CFAP299: variants seen among roughly 807,000 people sequenced by gnomAD.
The protein encoded by CFAP299 is cilia and flagella associated protein 299, also known as cilia- and flagella-associated protein 299.
In CFAP299, 21 loss-of-function variants were observed where a neutral mutation model predicts 27.0. The ratio of observed to expected loss-of-function variants is 0.78; its 90% confidence interval spans 0.55 to 1.12. The LOEUF is 1.12. CFAP299 is among the 50% of genes most tolerant of loss of function. The probability of loss-of-function intolerance (pLI) is 0.00; values close to 1 mark genes in which losing one functional copy is unlikely to be tolerated. For missense variants in CFAP299, 310 were observed against 276.6 expected, an observed-to-expected ratio of 1.12 and a Z score of -0.86; for synonymous variants, 104 against 98.1, an observed-to-expected ratio of 1.06 and a Z score of -0.36.
intron 3 of CFAP299, among the ~76,000 whole-genome samples, chr4:80,845,706 A>T (rs1436193730): frequency 6.6e-6 from 1 of 152,142 alleles, no homozygotes; most frequent in African/African-American, 2.4e-5. Flanking sequence ...GATTTCTTCC[A>T]ATTAATCTCA....
chr4:80,521,717 C>T (rs925753415), intron 2 of CFAP299, among the ~76,000 whole-genome samples: 15 of 151,896 alleles, frequency 9.9e-5, no homozygotes, highest in African/African-American at 3.4e-4. Flanking sequence ...CAATATTGCC[C>T]TTCTGTGACT....
chr4:80,374,327 C>A (rs943485616), intron 2 of CFAP299, among the ~76,000 whole-genome samples: 2 of 152,048 alleles, frequency 1.3e-5, no homozygotes, highest in Non-Finnish European at 2.9e-5. Context: ...TCAGACCTAC[C>A]ATGTCCCTAT....
intron 2 of CFAP299, chr4:80,420,125 C>G (rs1727221445): frequency 4.4e-6 from 2 of 450,070 alleles, no homozygotes; most frequent in Non-Finnish European, 8.9e-6. Context: ...GCCTGTGTAG[C>G]AAATGTGGTC....
chr4:80,489,553 G>A (rs1731009534), intron 2 of CFAP299, among the ~76,000 whole-genome samples: 1 of 152,150 alleles, frequency 6.6e-6, no homozygotes, highest in South Asian at 2.1e-4. Context: ...AGTGCCTAGG[G>A]AAAGACGTAT....
At chr4:80,632,728 ATG>A (rs1739277065) in intron 3 of CFAP299, among the ~76,000 whole-genome samples, 2 of 149,916 alleles carry the variant, frequency 1.3e-5, no homozygotes, top group Non-Finnish European at 3.0e-5. Context: ...TTTTTTTTGC[ATG>A]CATTCAACAC....
intron 2 of CFAP299, among the ~76,000 whole-genome samples, chr4:80,453,251 T>G (rs2110098564): frequency 6.6e-6 from 1 of 152,336 alleles, no homozygotes; most frequent in East Asian, 1.9e-4. Flanking sequence ...AAGATCATGC[T>G]TTTGTTTACC....
intron 5 of CFAP299, among the ~76,000 whole-genome samples, chr4:80,959,909 A>G (rs981852259): frequency 2.0e-5 from 3 of 151,958 alleles, no homozygotes; most frequent in African/African-American, 7.2e-5. Flanking sequence ...ATAAGTACAT[A>G]CTTAAAACAA....
chr4:80,405,363 T>G (rs1029297798), intron 2 of CFAP299, among the ~76,000 whole-genome samples: 1 of 152,196 alleles, frequency 6.6e-6, no homozygotes, highest in Non-Finnish European at 1.5e-5. Flanking sequence ...TGTTTTCTCT[T>G]GACATTTTAA....
At position 80,700,646 on chromosome 4, in the gene CFAP299, C is replaced by T. The variant is rs139525697; in HGVS notation, c.333+117463C>T. ...AAAGGCTGGGGTACTAAGTAGAAAC[C>T]AGTGCATTCAGGAATACATGAAGTG... On this transcript the variant is annotated intron_variant, in intron 3 of 5. Coordinates refer to ENST00000358105, the MANE Select transcript of CFAP299 (RefSeq NM_152770.3). Among the ~76,000 whole-genome samples, 60 of 152,070 alleles carry T rather than the reference C, an allele frequency of 3.9e-4. No individual in the cohort carries two copies. The East Asian group carries it at 0.011, about 27-fold the overall frequency.
intron 4 of CFAP299, among the ~76,000 whole-genome samples, chr4:80,914,255 C>T (rs1735632939): frequency 6.6e-6 from 1 of 152,142 alleles, no homozygotes; most frequent in South Asian, 2.1e-4. Context: ...TTATTAGAAA[C>T]TGCCAAAGAT....
At chr4:80,444,624 G>T (rs1728525537) in intron 2 of CFAP299, among the ~76,000 whole-genome samples, 1 of 152,170 alleles carries the variant, frequency 6.6e-6, no homozygotes, top group Non-Finnish European at 1.5e-5. Flanking sequence ...CATGGGCAAA[G>T]ACTTCATGAC....
intron 2 of CFAP299, among the ~76,000 whole-genome samples, chr4:80,414,073 T>TTTTTTC: frequency 7.9e-6 from 1 of 125,842 alleles, no homozygotes; most frequent in African/African-American, 3.1e-5. Context: ...TCTTTTTTTT[T>TTTTTTC]TTTTTTTTTT....
At chr4:80,545,251 A>C (rs1299920322) in intron 2 of CFAP299, among the ~76,000 whole-genome samples, 1 of 152,198 alleles carries the variant, frequency 6.6e-6, no homozygotes, top group Non-Finnish European at 1.5e-5. Flanking sequence ...AAAAGTTGGA[A>C]AGATCTCAAA....
At chr4:80,679,611 T>C (rs1719703372) in intron 3 of CFAP299, among the ~76,000 whole-genome samples, 1 of 152,012 alleles carries the variant, frequency 6.6e-6, no homozygotes, top group Non-Finnish European at 1.5e-5. Flanking sequence ...AAAAAATGGC[T>C]ACTAATAGGT....
chr4:80,729,512 A>G (rs116230650), intron 3 of CFAP299, among the ~76,000 whole-genome samples: 1,601 of 149,152 alleles, frequency 0.011, 32 homozygotes, highest in African/African-American at 0.036. Flanking sequence ...ACTCACCCTG[A>G]GGGAAGTATG....
chr4:80,399,680 A>AG (rs1366863247), intron 2 of CFAP299, among the ~76,000 whole-genome samples: 1 of 107,158 alleles, frequency 9.3e-6, no homozygotes, highest in African/African-American at 3.7e-5. Context: ...ATCACACACC[A>AG]GGGCCTGTTT....
chr4:80,676,281 TC>T lies in CFAP299; in HGVS notation c.333+93100del, dbSNP rs1345928381. ...ATCTCAATTTTCATATTTTGAACCA[TC>T]CTTGCATTTCTAGGATGAATTGCAC... On this transcript the variant is annotated intron_variant, in intron 3 of 5. Coordinates refer to ENST00000358105, the MANE Select transcript of CFAP299 (RefSeq NM_152770.3). Among the ~76,000 whole-genome samples, 4 of 152,354 alleles carry T rather than the reference TC, an allele frequency of 2.6e-5. No homozygotes were observed. The East Asian group carries it at 5.8e-4, about 22-fold the overall frequency.
chr4:80,829,057 A>G (rs191215052), intron 3 of CFAP299, among the ~76,000 whole-genome samples: 31 of 152,102 alleles, frequency 2.0e-4, no homozygotes, highest in Admixed American at 3.9e-4. Context: ...AGGCACAGGT[A>G]AAAAAAGAAA....
intron 2 of CFAP299, among the ~76,000 whole-genome samples, chr4:80,450,983 G>A (rs999564025): frequency 2.6e-5 from 4 of 151,728 alleles, no homozygotes; most frequent in African/African-American, 9.7e-5. Context: ...AGCCCTGTAG[G>A]TAGCAGCCAT....
Sources: gnomAD v4.1 joint callset for allele counts (sites outside exome capture counted in the v4.1 genomes callset) on GRCh38, gnomAD v4.1.1 for gene constraint, MANE v1.5 for transcripts, NCBI Gene and HGNC (gene_info 2026-07-23, HGNC 2026-07-21) for gene names.